Variants in TMEM163 observed in about 807,000 individuals in gnomAD.
TMEM163 encodes the protein transmembrane protein 163.
In TMEM163, 17 loss-of-function variants were observed where a neutral mutation model predicts 29.3. The observed-to-expected ratio is 0.58, with a 90% CI of 0.40 to 0.87. The LOEUF (loss-of-function observed/expected upper bound fraction) is 0.87, where lower values mean the gene tolerates loss of function less well. Ranked by LOEUF, TMEM163 falls within the 40% of genes least tolerant of loss-of-function variation. The pLI is 0.00. For missense variants in TMEM163, 303 were observed against 381.5 expected, an observed-to-expected ratio of 0.79 and a Z score of 1.71; for synonymous variants, 157 against 160.6, an observed-to-expected ratio of 0.98 and a Z score of 0.17.
At chr2:134,498,320 G>T (rs1428560517) in intron 5 of TMEM163, among the ~76,000 whole-genome samples, 2 of 149,590 alleles carry the variant, frequency 1.3e-5, no homozygotes, top group Non-Finnish European at 3.0e-5. Flanking sequence ...TCCTGCTGCA[G>T]TCTCCACCGA....
chr2:134,481,021 A>G (rs1687040666), intron 5 of TMEM163, among the ~76,000 whole-genome samples: 1 of 152,144 alleles, frequency 6.6e-6, no homozygotes, highest in Non-Finnish European at 1.5e-5. Flanking sequence ...CCACATTCTG[A>G]CTACAATCAC....
intron 2 of TMEM163, among the ~76,000 whole-genome samples, chr2:134,687,377 C>G (rs1452365633): frequency 6.6e-6 from 1 of 152,150 alleles, no homozygotes; most frequent in Non-Finnish European, 1.5e-5. Context: ...TTTTTGTGAT[C>G]AACTTTAGCA....
chr2:134,535,715 T>C (rs1260364818), intron 4 of TMEM163, among the ~76,000 whole-genome samples: 2 of 145,302 alleles, frequency 1.4e-5, no homozygotes, highest in East Asian at 4.0e-4. Context: ...CTTATTTGTA[T>C]GGTTTTTTTT....
intron 2 of TMEM163, among the ~76,000 whole-genome samples, chr2:134,583,419 A>G (rs938491266): frequency 2.0e-5 from 3 of 152,212 alleles, no homozygotes; most frequent in Non-Finnish European, 2.9e-5. Context: ...AGTGATAAAA[A>G]TTTCAGACGG....
intron 2 of TMEM163, among the ~76,000 whole-genome samples, chr2:134,684,010 C>T (rs1459942417): frequency 2.0e-5 from 3 of 152,256 alleles, no homozygotes; most frequent in East Asian, 3.9e-4. Context: ...TAATGATAAT[C>T]ACTGCCATTT....
intron 2 of TMEM163, among the ~76,000 whole-genome samples, chr2:134,648,985 T>C (rs2104845960): frequency 6.6e-6 from 1 of 152,262 alleles, no homozygotes; most frequent in East Asian, 1.9e-4. Flanking sequence ...ATCCATGTAT[T>C]TGTAGTGGGG....
At chr2:134,477,659 A>C (rs999115467) in intron 5 of TMEM163, among the ~76,000 whole-genome samples, 6 of 152,266 alleles carry the variant, frequency 3.9e-5, no homozygotes. Flanking sequence ...ATGAGAAAAC[A>C]TACCATGAAG....
intron 5 of TMEM163, among the ~76,000 whole-genome samples, chr2:134,474,739 G>A (rs1311491016): frequency 2.6e-5 from 4 of 152,148 alleles, no homozygotes; most frequent in Non-Finnish European, 5.9e-5. Flanking sequence ...GAAATATGGA[G>A]TTTTTGGAAA....
Position 134,487,560 on chromosome 2 carries a change from C to T in TMEM163, c.555+15341G>A, listed in dbSNP as rs113234677. Among the ~76,000 whole-genome samples the T allele has an allele frequency of 1.6e-4, 24 of 152,290 alleles. 1 individual carries two copies. Among genetic ancestry groups the T allele is most frequent in the Admixed American group, 5.9e-4 (9 of 15,300 alleles). ...AACTTGGCAAACCAGTTTTGAAATT[C>T]GTATGGAATATTACTAATGCAATGT... is the stretch of plus-strand genomic sequence containing the variant. On this transcript the variant is annotated intron_variant, in intron 5 of 7. Transcript: ENST00000281924.
chr2:134,636,936 A>G (rs1683117435), intron 2 of TMEM163, among the ~76,000 whole-genome samples: 1 of 152,096 alleles, frequency 6.6e-6, no homozygotes, highest in South Asian at 2.1e-4. Flanking sequence ...TTCATCTCCA[A>G]CCCAACCAAC....
At chr2:134,637,699 C>T (rs1034996391) in intron 2 of TMEM163, among the ~76,000 whole-genome samples, 1 of 152,182 alleles carries the variant, frequency 6.6e-6, no homozygotes, top group Non-Finnish European at 1.5e-5. Flanking sequence ...CCCACCACCA[C>T]CACAACCACC....
chr2:134,550,688 G>A, intron 3 of TMEM163, 27 bp from the exon 4 acceptor site: 3 of 1,605,070 alleles, frequency 1.9e-6, no homozygotes, highest in Non-Finnish European at 1.7e-6. Context: ...TGGCATTAGA[G>A]GCTTTCCACA....
At chr2:134,688,239 G>A (rs1684387944) in intron 2 of TMEM163, among the ~76,000 whole-genome samples, 1 of 152,134 alleles carries the variant, frequency 6.6e-6, no homozygotes, top group Admixed American at 6.5e-5. Flanking sequence ...CGAGCTGCAA[G>A]CATCTTGAGA....
chr2:134,664,950 C>T (rs914927958), intron 2 of TMEM163, among the ~76,000 whole-genome samples: 1 of 151,978 alleles, frequency 6.6e-6, no homozygotes, highest in East Asian at 1.9e-4. Flanking sequence ...AGTGCAGTCT[C>T]GGTTCACGAA....
chr2:134,530,419 G>A (rs1362250048), intron 4 of TMEM163, among the ~76,000 whole-genome samples: 5 of 152,126 alleles, frequency 3.3e-5, no homozygotes, highest in Non-Finnish European at 1.5e-5. Flanking sequence ...GGGACTACAG[G>A]TGTGCAACAC....
At chr2:134,592,491 T>C (rs534386729) in intron 2 of TMEM163, among the ~76,000 whole-genome samples, 1 of 152,344 alleles carries the variant, frequency 6.6e-6, no homozygotes, top group African/African-American at 2.4e-5. Flanking sequence ...GAATTTAGTA[T>C]CTTATGGCCA....
intron 5 of TMEM163, among the ~76,000 whole-genome samples, chr2:134,484,074 G>A (rs1679262319): frequency 6.6e-6 from 1 of 152,086 alleles, no homozygotes; most frequent in South Asian, 2.1e-4. Context: ...CCCAGAAGAC[G>A]AATGTTGCAG....
intron 1 of TMEM163, among the ~76,000 whole-genome samples, chr2:134,718,012 G>A (rs1365514673): frequency 6.6e-6 from 1 of 152,190 alleles, no homozygotes; most frequent in East Asian, 1.9e-4. Context: ...TCAGTGGAGG[G>A]GAGCTCTGAA....
chr2:134,484,715 T>C (rs1006681584), intron 5 of TMEM163, among the ~76,000 whole-genome samples: 8 of 152,144 alleles, frequency 5.3e-5, no homozygotes, highest in Non-Finnish European at 1.0e-4. Flanking sequence ...ATAACAACAA[T>C]GTTAAATCTT....
Sources: gnomAD v4.1 joint callset for allele counts (sites outside exome capture counted in the v4.1 genomes callset) on GRCh38, gnomAD v4.1.1 for gene constraint, MANE v1.5 for transcripts, NCBI Gene and HGNC (gene_info 2026-07-23, HGNC 2026-07-21) for gene names.